COBL: variants seen among roughly 807,000 people sequenced by gnomAD.
The protein encoded by COBL is cordon-bleu WH2 repeat protein, also known as protein cordon-bleu.
COBL carries 51 observed loss-of-function variants against 98.8 expected under a neutral mutation model. The ratio of observed to expected loss-of-function variants is 0.52; its 90% CI spans 0.41 to 0.65. COBL has a LOEUF of 0.65. Ranked by LOEUF, COBL falls within the 30% of genes least tolerant of loss-of-function variation. The pLI is 0.00. For missense variants in COBL, 1,617 were observed against 1,617.5 expected (o/e 1.00, Z 0.01); for synonymous variants, 634 against 651.7 (o/e 0.97, Z 0.41).
intron 1 of COBL, among the ~76,000 whole-genome samples, chr7:51,308,222 G>C (rs12673956): frequency 0.32 from 48,453 of 152,110 alleles, 9,141 homozygotes; most frequent in Non-Finnish European, 0.43. Flanking sequence ...ACTGTATTTA[G>C]AGACTAAAAA....
At chr7:51,126,837 TGGTTAA>T (rs1798256192) in intron 6 of COBL, among the ~76,000 whole-genome samples, 1 of 152,114 alleles carries the variant, frequency 6.6e-6, no homozygotes, top group African/African-American at 2.4e-5. Flanking sequence ...TCCAAGTCGC[TGGTTAA>T]TTCAAGGTGC....
At chr7:51,181,738 T>C (rs898479022) in intron 5 of COBL, among the ~76,000 whole-genome samples, 3 of 152,156 alleles carry the variant, frequency 2.0e-5, no homozygotes, top group Non-Finnish European at 4.4e-5. Context: ...GAGGACTCGA[T>C]CACTGACTGC....
intron 5 of COBL, among the ~76,000 whole-genome samples, chr7:51,167,001 T>C (rs535197216): frequency 1.1e-3 from 173 of 152,272 alleles, no homozygotes; most frequent in African/African-American, 3.9e-3. Context: ...AGTATCTTAC[T>C]GAATGGAGAA....
At chr7:51,224,227 G>A (rs1385562402) in intron 1 of COBL, among the ~76,000 whole-genome samples, 1 of 152,160 alleles carries the variant, frequency 6.6e-6, no homozygotes, top group African/African-American at 2.4e-5. Context: ...TTCTCAGAGT[G>A]CGCCCCTATC....
chr7:51,311,871 G>C (rs116361895), intron 1 of COBL, among the ~76,000 whole-genome samples: 3,093 of 151,998 alleles, frequency 0.02, 80 homozygotes, highest in African/African-American at 0.057. Context: ...ATATGTAAAA[G>C]CTTTCAGTGG....
chr7:51,066,449 G>A (rs1791935103), intron 7 of COBL, among the ~76,000 whole-genome samples: 1 of 152,194 alleles, frequency 6.6e-6, no homozygotes, highest in Non-Finnish European at 1.5e-5. Context: ...TAGGGAGGAG[G>A]GATATGGAAG....
Position 51,113,579 on chromosome 7 carries a change from T to C in COBL, c.957+22579A>G, listed in dbSNP as rs187743072. Among the ~76,000 whole-genome samples, 12 of 152,178 alleles carry C rather than the reference T, an allele frequency of 7.9e-5. 1 individual carries two copies. The highest frequency in any genetic ancestry group is 3.9e-4 in the Admixed American group (6 of 15,278). On this transcript the variant is annotated intron_variant, in intron 6 of 12. Coordinates refer to ENST00000265136, the MANE Select transcript of COBL (RefSeq NM_015198.5). ...TCCTTGGCAAATGTAGAAGGCTAAA[T>C]AGAAAAACACAAAAATATTGTGCTT... is the stretch of plus-strand genomic sequence containing the variant.
intron 6 of COBL, among the ~76,000 whole-genome samples, chr7:51,107,097 T>G (rs1010281544): frequency 2.8e-5 from 4 of 145,234 alleles, no homozygotes; most frequent in African/African-American, 5.1e-5. Flanking sequence ...TGTTTGTTTT[T>G]TTTTTTTTTT....
chr7:51,173,468 C>T (rs919037974), intron 5 of COBL, among the ~76,000 whole-genome samples: 1 of 152,184 alleles, frequency 6.6e-6, no homozygotes, highest in African/African-American at 2.4e-5. Flanking sequence ...CAGGTGTTGG[C>T]CACCGCTCCT....
intron 1 of COBL, among the ~76,000 whole-genome samples, chr7:51,222,733 G>T (rs56769561): frequency 1.3e-5 from 2 of 152,072 alleles, no homozygotes; most frequent in East Asian, 3.9e-4. Context: ...AAAAAAAAGT[G>T]TTTTTCATTT....
At chr7:51,068,577 A>T (rs1792203142) in intron 7 of COBL, among the ~76,000 whole-genome samples, 1 of 152,232 alleles carries the variant, frequency 6.6e-6, no homozygotes, top group Admixed American at 6.5e-5. Flanking sequence ...ACACATACGC[A>T]GATTAAAAAT....
chr7:51,075,308 C>T (rs1792963172), intron 7 of COBL, among the ~76,000 whole-genome samples: 1 of 152,212 alleles, frequency 6.6e-6, no homozygotes, highest in Non-Finnish European at 1.5e-5. Context: ...AATTCCTATG[C>T]TATAAATAGT....
At chr7:51,079,434 ATTTC>A (rs1285316077) in intron 7 of COBL, among the ~76,000 whole-genome samples, 2 of 152,254 alleles carry the variant, frequency 1.3e-5, no homozygotes, top group Non-Finnish European at 2.9e-5. Context: ...ATTCTGGTAT[ATTTC>A]TTTATTAAAT....
At chr7:51,157,712 A>G (rs1786325342) in intron 5 of COBL, among the ~76,000 whole-genome samples, 1 of 152,174 alleles carries the variant, frequency 6.6e-6, no homozygotes, top group African/African-American at 2.4e-5. Flanking sequence ...TAATCACTTC[A>G]GGAAGTCTAT....
intron 5 of COBL, among the ~76,000 whole-genome samples, chr7:51,143,758 G>A (rs565881109): frequency 6.6e-6 from 1 of 152,204 alleles, no homozygotes; most frequent in Non-Finnish European, 1.5e-5. Flanking sequence ...ATGAGTGGAG[G>A]AAAAAAGCTG....
chr7:51,166,390 C>G (rs1787323291), intron 5 of COBL, among the ~76,000 whole-genome samples: 1 of 151,840 alleles, frequency 6.6e-6, no homozygotes. Context: ...TACAGTGTAC[C>G]AAGATTGAAT....
chr7:51,217,151 C>T (rs1224616533), intron 2 of COBL, among the ~76,000 whole-genome samples: 2 of 152,178 alleles, frequency 1.3e-5, no homozygotes, highest in Non-Finnish European at 2.9e-5. Context: ...TTCTCAGTCA[C>T]TACATTACAA....
chr7:51,021,730 T>C (rs1361203078), intron 12 of COBL, among the ~76,000 whole-genome samples: 1 of 152,194 alleles, frequency 6.6e-6, no homozygotes, highest in Non-Finnish European at 1.5e-5. Flanking sequence ...GAAAGTGTAT[T>C]TGCTATGAAG....
intron 5 of COBL, among the ~76,000 whole-genome samples, chr7:51,171,419 T>C (rs184864880): frequency 6.6e-6 from 1 of 152,184 alleles, no homozygotes; most frequent in Non-Finnish European, 1.5e-5. Context: ...AAGAGAACTT[T>C]TATCCTTATA....
Sources: gnomAD v4.1 joint callset for allele counts (sites outside exome capture counted in the v4.1 genomes callset) on GRCh38, gnomAD v4.1.1 for gene constraint, MANE v1.5 for transcripts, NCBI Gene and HGNC (gene_info 2026-07-23, HGNC 2026-07-21) for gene names.